PIGU: variants seen among roughly 807,000 people sequenced by gnomAD.
The protein encoded by PIGU is GPI-anchor transamidase component PIGU.
In PIGU, 24 loss-of-function variants were observed where a neutral mutation model predicts 49.9. That is an observed-to-expected ratio of 0.48 (90% CI 0.35 to 0.68). The LOEUF is 0.68. Among genes scored for constraint, PIGU ranks in the 30% least tolerant of loss-of-function variants. PIGU has a pLI of 0.01. For synonymous variants in PIGU, 220 were observed against 205.7 expected (o/e 1.07, Z -0.59); for missense variants, 490 against 532.6 (o/e 0.92, Z 0.79).
intron 3 of PIGU, among the ~76,000 whole-genome samples, chr20:34,644,534 CT>C (rs1259182987): frequency 6.6e-6 from 1 of 152,126 alleles, no homozygotes; most frequent in Non-Finnish European, 1.5e-5. Flanking sequence ...CTTTGCATGC[CT>C]GATGTATGTC....
chr20:34,581,306 A>C (rs1193928168), intron 10 of PIGU, among the ~76,000 whole-genome samples: 1 of 152,190 alleles, frequency 6.6e-6, no homozygotes, highest in African/African-American at 2.4e-5. Flanking sequence ...TAATTAATGC[A>C]TGTAACACTG....
chr20:34,566,035 CACAT>C (rs371129994), intron 11 of PIGU, among the ~76,000 whole-genome samples: 16 of 152,092 alleles, frequency 1.1e-4, no homozygotes, highest in African/African-American at 3.4e-4. Context: ...CAGATGCACA[CACAT>C]ACACGCACGC....
At chr20:34,659,338 C>G (rs1465512688) in intron 1 of PIGU, among the ~76,000 whole-genome samples, 12 of 136,240 alleles carry the variant, frequency 8.8e-5, no homozygotes, top group African/African-American at 2.3e-4. Context: ...CCGCCCCGTC[C>G]GGGAGGTGAG....
At chr20:34,585,308 T>A in intron 9 of PIGU, 129 bp downstream of exon 9, 1 of 1,147,668 alleles carries the variant, frequency 8.7e-7, no homozygotes, top group Non-Finnish European at 1.2e-6. Context: ...TGAAGGCAGG[T>A]TCCTTAGGTG....
intron 7 of PIGU, among the ~76,000 whole-genome samples, chr20:34,592,002 G>A (rs577783770): frequency 7.9e-5 from 12 of 152,106 alleles, no homozygotes; most frequent in South Asian, 2.1e-4. Flanking sequence ...CCTGGCTAAC[G>A]TGGTGAAACT....
chr20:34,674,371 T>C (rs1428004109), intron 1 of PIGU, among the ~76,000 whole-genome samples: 3 of 151,964 alleles, frequency 2.0e-5, no homozygotes. Context: ...AAAAAAGAAT[T>C]CATACAGCTT....
At chr20:34,591,935 C>T (rs1984004372) in intron 7 of PIGU, among the ~76,000 whole-genome samples, 3 of 152,168 alleles carry the variant, frequency 2.0e-5, no homozygotes, top group Admixed American at 2.0e-4. Flanking sequence ...CGCCTGTAAT[C>T]CCAGCACTCT....
At chr20:34,644,074 T>A (rs1466199843) in intron 4 of PIGU, 90 bp downstream of exon 4, 1 of 1,235,544 alleles carries the variant, frequency 8.1e-7, no homozygotes. Flanking sequence ...CTTTAAAGCA[T>A]CTGGATCCTT....
intron 7 of PIGU, among the ~76,000 whole-genome samples, chr20:34,589,044 C>T (rs1983828659): frequency 6.6e-6 from 1 of 151,212 alleles, no homozygotes; most frequent in Non-Finnish European, 1.5e-5. Flanking sequence ...AATTGCTAAA[C>T]AAGCCTATTA....
At chr20:34,607,938 A>G (rs2146733275) in intron 7 of PIGU, among the ~76,000 whole-genome samples, 1 of 151,958 alleles carries the variant, frequency 6.6e-6, no homozygotes, top group Non-Finnish European at 1.5e-5. Context: ...TAAAAGGCAG[A>G]GTAATTGCTT....
intron 1 of PIGU, among the ~76,000 whole-genome samples, chr20:34,665,483 G>A (rs1356982027): frequency 5.9e-5 from 9 of 151,682 alleles, no homozygotes; most frequent in Non-Finnish European, 1.0e-4. Flanking sequence ...GATTACAGGC[G>A]TGAGCCACCG....
intron 8 of PIGU, among the ~76,000 whole-genome samples, 158 bp from the exon 9 acceptor site, chr20:34,585,738 G>A (rs1983674968): frequency 6.6e-6 from 1 of 152,142 alleles, no homozygotes; most frequent in Non-Finnish European, 1.5e-5. Flanking sequence ...AGGTACCCTG[G>A]ATACAGGTAA....
chr20:34,658,119 AGTGCCTGCGATTGCAGGC>A (rs1465824446), intron 1 of PIGU, among the ~76,000 whole-genome samples: 2 of 152,150 alleles, frequency 1.3e-5, no homozygotes, highest in Non-Finnish European at 2.9e-5. Context: ...CAGCCTGCCC[AGTGCCTGCGATTGCAGGC>A]GCGCGCCGCC....
chr20:34,629,995 A>G (rs1004496408), intron 6 of PIGU, among the ~76,000 whole-genome samples: 1 of 152,238 alleles, frequency 6.6e-6, no homozygotes, highest in Non-Finnish European at 1.5e-5. Flanking sequence ...AGTGGCCTAC[A>G]AAGAGGATTA....
chr20:34,571,797 A>C (rs1983023455), intron 11 of PIGU, among the ~76,000 whole-genome samples: 3 of 152,198 alleles, frequency 2.0e-5, no homozygotes, highest in Admixed American at 1.3e-4. Flanking sequence ...TGAGGCTCCC[A>C]ACAGGTCCAA....
intron 7 of PIGU, among the ~76,000 whole-genome samples, chr20:34,590,281 G>A (rs552012426): frequency 4.6e-5 from 7 of 152,250 alleles, no homozygotes; most frequent in Non-Finnish European, 7.3e-5. Flanking sequence ...CAGGGACTGG[G>A]CATGGTGGCT....
rs907338218 is a variant in PIGU at position 34,615,979 on chromosome 20, G to A, written c.627+63C>T. 16 of 1,532,688 alleles carry A rather than the reference G, an allele frequency of 1.0e-5. No individual in the cohort carries two copies. In the African/African-American group the frequency reaches 2.1e-4, roughly 20 times the overall value. 94.9% of individuals were successfully genotyped at this position (1,532,688 alleles called of 1,614,324 possible). ...TAACCCGTGCCCTTCCTTTCCCCCA[G>A]CAGGGACCAGGCCATGTATTAAATG... is the stretch of plus-strand genomic sequence containing the variant. On this transcript the variant is annotated intron_variant, in intron 7 of 11. Coordinates refer to ENST00000217446, the MANE Select transcript of PIGU (RefSeq NM_080476.5).
intron 2 of PIGU, among the ~76,000 whole-genome samples, chr20:34,653,715 G>A (rs1986615164): frequency 6.6e-6 from 1 of 152,186 alleles, no homozygotes; most frequent in African/African-American, 2.4e-5. Flanking sequence ...CTAGGAATAA[G>A]TGATAAGAAG....
rs187144031 is a variant in PIGU at position 34,648,535 on chromosome 20, A to T, written c.196-3201T>A. 7.0e-3 allele frequency among the ~76,000 whole-genome samples: 1,057 copies of T among 151,888 alleles called. 16 individuals are homozygous for T. The highest frequency in any genetic ancestry group is 0.025 in the African/African-American group (1,021 of 41,406). On this transcript the variant is annotated intron_variant, in intron 2 of 11. Coordinates refer to ENST00000217446, the MANE Select transcript of PIGU (RefSeq NM_080476.5). ...ACCTTTCTGTGTCCTTATATGCAAAATTTTTTGTTTTTGTTTTTGGGGTTT... is the reference window on the plus strand; with the variant it reads ...ACCTTTCTGTGTCCTTATATGCAAATTTTTTTGTTTTTGTTTTTGGGGTTT...
Sources: allele counts gnomAD v4.1 joint callset (sites outside exome capture counted in the v4.1 genomes callset), GRCh38; gene constraint gnomAD v4.1.1; transcripts MANE v1.5; gene names NCBI Gene and HGNC (gene_info 2026-07-23, HGNC 2026-07-21).